PIEZO1: variants seen among roughly 807,000 people sequenced by gnomAD.
PIEZO1 encodes piezo-type mechanosensitive ion channel component 1.
Under a neutral mutation model 297.2 loss-of-function variants are expected in PIEZO1, and 296 were observed. That is an observed-to-expected ratio of 1.00 (90% CI 0.91 to 1.10). The LOEUF (loss-of-function observed/expected upper bound fraction) is 1.10. Among genes scored for constraint, PIEZO1 ranks in the 50% least tolerant of loss-of-function variants. The pLI is 0.00. For synonymous variants in PIEZO1, 2,427 were observed against 1,507.5 expected (o/e 1.61, Z -14.13); for missense variants, 5,018 against 3,455.5 (o/e 1.45, Z -11.34).
At chr16:88,748,982 A>G (rs572039374) in intron 2 of PIEZO1, among the ~76,000 whole-genome samples, 33 of 147,286 alleles carry the variant, frequency 2.2e-4, no homozygotes, top group African/African-American at 7.8e-4. Context: ...TCACGTCTGT[A>G]ATCCCAGCAC....
At chr16:88,727,232 C>T (rs540863283) in intron 23 of PIEZO1, 40 bp from the exon 24 acceptor site, 1 of 1,496,404 alleles carries the variant, frequency 6.7e-7, no homozygotes, top group South Asian at 1.3e-5. Context: ...ACACGGGGAC[C>T]CACACGAGGT....
In PIEZO1 at chr16:88,720,376, C is replaced by A; in HGVS notation, c.5949+9G>T. 1 of 1,550,360 alleles carries A rather than the reference C, an allele frequency of 6.5e-7. No individual in the cohort carries two copies. Among genetic ancestry groups the A allele is most frequent in the Non-Finnish European group, 8.7e-7 (1 of 1,146,936 alleles). On this transcript the variant is annotated intron_variant, in intron 41 of 50. Transcript: ENST00000301015. ...CGTACACTGGGTTTGGGTCCCGGGC[C>A]TGGCTCACCCCAAAGGCCCAGAAGC...
rs923419123 is a variant in PIEZO1 at position 88,736,129 on chromosome 16, T to A, written c.1557+19A>T. The A allele has an allele frequency of 6.5e-7, 1 of 1,530,922 alleles. No individual in the cohort carries two copies. Among genetic ancestry groups the A allele is most frequent in the African/African-American group, 1.4e-5 (1 of 72,770 alleles). The allele number at this position is 1,530,922 out of a possible 1,614,324, so 94.8% of individuals were successfully genotyped here. ...GTCTGCGCACCCAGGCACCCCCGGATGTGGTGGTGCACACTCACCATGGCA... is the reference window on the plus strand; with the variant it reads ...GTCTGCGCACCCAGGCACCCCCGGAAGTGGTGGTGCACACTCACCATGGCA... On this transcript the variant is annotated intron_variant, in intron 12 of 50. Transcript: ENST00000301015.
At chr16:88,727,269 C>A in intron 23 of PIEZO1, 77 bp from the exon 24 acceptor site, 1 of 1,413,458 alleles carries the variant, frequency 7.1e-7, no homozygotes. Flanking sequence ...TCCCACCTCC[C>A]ACCCCAGGCC....
At position 88,715,374 on chromosome 16, in the gene PIEZO1, A is replaced by T. The variant is rs545779147; in HGVS notation, c.*231T>A. On this transcript the variant is annotated 3_prime_UTR_variant, in exon 51 of 51. Coordinates refer to ENST00000301015, the MANE Select transcript of PIEZO1 (RefSeq NM_001142864.4). Reference sequence around the variant, plus strand: ...ATTTGTATAAATAAAACATTTTTTAATTAAAAAAAAAACTCTACAGTACAC... The same window carrying T: ...ATTTGTATAAATAAAACATTTTTTATTTAAAAAAAAAACTCTACAGTACAC... The T allele has an allele frequency of 8.5e-6, 10 of 1,180,640 alleles. No homozygotes were observed. The highest frequency in any genetic ancestry group is 3.1e-5 in the African/African-American group (2 of 64,716). The allele number at this position is 1,180,640 out of a possible 1,614,324, so 73.1% of individuals were successfully genotyped here.
Position 88,723,347 on chromosome 16 carries a change from G to C in PIEZO1, c.4336-19C>G. 1 of 1,536,212 alleles carries C rather than the reference G, an allele frequency of 6.5e-7. No individual in the cohort carries two copies. Among genetic ancestry groups the C allele is most frequent in the South Asian group, 1.2e-5 (1 of 83,998 alleles). On this transcript the variant is annotated intron_variant, in intron 31 of 50. Coordinates refer to ENST00000301015, the MANE Select transcript of PIEZO1 (RefSeq NM_001142864.4). ...ACGCCAGCTGTCGGCCAGCCCCCGG[G>C]TTAGGACCCGGCCTCCCGAGCCATC... is the stretch of plus-strand genomic sequence containing the variant.
At chr16:88,722,743 G>A in intron 34 of PIEZO1, 54 bp from the exon 35 acceptor site, 1 of 1,529,428 alleles carries the variant, frequency 6.5e-7, no homozygotes, top group Admixed American at 2.0e-5. Context: ...TCCCCACACG[G>A]GGTTTCGTGC....
intron 12 of PIEZO1, 59 bp downstream of exon 12, chr16:88,736,088 AC>A: frequency 1.4e-6 from 2 of 1,469,664 alleles, no homozygotes; most frequent in East Asian, 5.0e-5. Flanking sequence ...ATTGAACAGG[AC>A]GACAACCCTG....
chr16:88,733,875 G>A (rs1905038415), intron 17 of PIEZO1, 31 bp downstream of exon 17: 1 of 1,472,832 alleles, frequency 6.8e-7, no homozygotes, highest in Non-Finnish European at 9.0e-7. Context: ...AGCAGACTGG[G>A]TGGCAGCTGT....
intron 13 of PIEZO1, 34 bp downstream of exon 13, chr16:88,735,101 G>C: frequency 1.3e-6 from 2 of 1,549,814 alleles, no homozygotes; most frequent in Non-Finnish European, 1.7e-6. Flanking sequence ...CGGGCAGGCA[G>C]GAGGGCAACC....
intron 1 of PIEZO1, among the ~76,000 whole-genome samples, chr16:88,752,531 G>A (rs1253422129): frequency 1.3e-5 from 2 of 152,194 alleles, no homozygotes; most frequent in Non-Finnish European, 2.9e-5. Context: ...AAAATAACCA[G>A]CCCTGAAATC....
At chr16:88,757,719 C>A (rs928579140) in intron 1 of PIEZO1, among the ~76,000 whole-genome samples, 7 of 152,116 alleles carry the variant, frequency 4.6e-5, no homozygotes, top group African/African-American at 1.7e-4. Context: ...CGGAGCTGGG[C>A]CAGCTGCCAT....
Position 88,717,192 on chromosome 16 carries a change from C to T in PIEZO1, c.6491G>A (p.Gly2164Glu), listed in dbSNP as rs1014329441. 11 of 1,549,910 alleles carry T rather than the reference C, an allele frequency of 7.1e-6. No homozygotes were observed. Among genetic ancestry groups the T allele is most frequent in the Non-Finnish European group, 9.6e-6 (11 of 1,147,022 alleles). ...CTTGACGATCTTCTTCTTCTTCTGC[C>T]CTTTGGGCTGCGGGTATTTCTGGAG... ...ETEKKYPQPK[G>E]QKKKKIVKYG... Residue 2164 changes from glycine (G) to glutamate (E), a missense_variant, in exon 45 of 51, where the codon GGG becomes GAG. Transcript: ENST00000301015.
Position 88,715,723 on chromosome 16 carries a change from T to A in PIEZO1, c.7448A>T (p.Asp2483Val). The change falls in exon 51 of 51, where the codon GAC (aspartate) becomes GTC (valine). Residue 2483 changes from aspartate to valine, a missense_variant. Transcript: ENST00000301015. ...CCGAGTCTCCCGCACCAGGAAGATG[T>A]CCTGGCAGAGCTTGAGGATGCGGTC... Reference protein sequence around the residue: ...CVDRILKLCQDIFLVRETREL... With the variant: ...CVDRILKLCQVIFLVRETREL... The A allele has an allele frequency of 6.4e-7, 1 of 1,550,466 alleles. No homozygotes were observed.
chr16:88,718,358 TC>T (rs1315927792), intron 44 of PIEZO1: 1 of 152,792 alleles, frequency 6.5e-6, no homozygotes, highest in Non-Finnish European at 1.5e-5. Flanking sequence ...CACCAGCACT[TC>T]CGGCCCTGGC....
At chr16:88,737,518 C>T (rs1001708884) in intron 10 of PIEZO1, 41 bp downstream of exon 10, 8 of 1,298,264 alleles carry the variant, frequency 6.2e-6, no homozygotes, top group Admixed American at 5.5e-5. Flanking sequence ...CTCCGCCCCG[C>T]CCCCCGCACC....
At position 88,738,311 on chromosome 16, in the gene PIEZO1, A is replaced by C; in HGVS notation, c.764T>G (p.Phe255Cys). 6.5e-7 allele frequency: 1 copy of C among 1,535,812 alleles called. No homozygotes were observed. Among genetic ancestry groups the C allele is most frequent in the South Asian group, 1.2e-5 (1 of 84,060 alleles). The change falls in exon 7 of 51, where the codon TTC becomes TGC. Residue 255 changes from phenylalanine to cysteine, a missense_variant. Coordinates refer to ENST00000301015, the MANE Select transcript of PIEZO1 (RefSeq NM_001142864.4). ...GAGGCAGATGAGATGGCCGGCGCCG[A>C]AGCACCCCACCGCGACGCAGAGTCT... Reference protein sequence around the residue: ...FSRLCVAVGCFGAGHLICLYC... With the variant: ...FSRLCVAVGCCGAGHLICLYC...
chr16:88,747,909 G>A (rs763179507), intron 2 of PIEZO1, among the ~76,000 whole-genome samples: 21 of 152,304 alleles, frequency 1.4e-4, no homozygotes, highest in Non-Finnish European at 2.9e-4. Context: ...AGCCCAGGAA[G>A]GTAGGCACCT....
chr16:88,757,317 G>T (rs1906713972), intron 1 of PIEZO1, among the ~76,000 whole-genome samples: 1 of 71,042 alleles, frequency 1.4e-5, no homozygotes, highest in Non-Finnish European at 3.1e-5. Flanking sequence ...GGGCGTTGCT[G>T]GCGGGGGGGT....
Sources: allele counts gnomAD v4.1 joint callset (sites outside exome capture counted in the v4.1 genomes callset), GRCh38; gene constraint gnomAD v4.1.1; transcripts MANE v1.5; gene names NCBI Gene and HGNC (gene_info 2026-07-23, HGNC 2026-07-21).